UNC5C: variants seen among roughly 807,000 people sequenced by gnomAD.
The protein encoded by UNC5C is netrin receptor UNC5C.
UNC5C carries 47 observed loss-of-function variants against 99.8 expected under a neutral mutation model. That is an observed-to-expected ratio of 0.47 (90% CI 0.37 to 0.60). The LOEUF (loss-of-function observed/expected upper bound fraction) is 0.60. UNC5C is among the 20% of genes least tolerant of loss of function. The probability of loss-of-function intolerance (pLI) is 0.00; values close to 1 mark genes in which losing one functional copy is unlikely to be tolerated. For missense variants in UNC5C, 1,062 were observed against 1,165.9 expected (o/e 0.91, Z 1.30); for synonymous variants, 487 against 452.2 (o/e 1.08, Z -0.98).
At chr4:95,327,701 G>T (rs1742941757) in intron 2 of UNC5C, among the ~76,000 whole-genome samples, 1 of 152,046 alleles carries the variant, frequency 6.6e-6, no homozygotes, top group Non-Finnish European at 1.5e-5. Flanking sequence ...TATAACTTCT[G>T]ACTGCATGAC....
chr4:95,391,870 A>G (rs1005824195), intron 1 of UNC5C, among the ~76,000 whole-genome samples: 1 of 151,980 alleles, frequency 6.6e-6, no homozygotes, highest in South Asian at 2.1e-4. Flanking sequence ...TGAGACCATG[A>G]GTTTGAGACC....
At chr4:95,277,543 A>G (rs1374560240) in intron 4 of UNC5C, among the ~76,000 whole-genome samples, 1 of 152,234 alleles carries the variant, frequency 6.6e-6, no homozygotes, top group Non-Finnish European at 1.5e-5. Flanking sequence ...ATCTAAGATG[A>G]TGGTGAGTGC....
chr4:95,263,764 C>A (rs966048840), intron 4 of UNC5C, among the ~76,000 whole-genome samples: 5 of 152,132 alleles, frequency 3.3e-5, no homozygotes, highest in African/African-American at 1.2e-4. Context: ...TCATAAGGTT[C>A]TTGTGAGGTT....
chr4:95,171,917 T>G (rs1236452723), intron 14 of UNC5C, among the ~76,000 whole-genome samples: 7 of 151,898 alleles, frequency 4.6e-5, no homozygotes, highest in African/African-American at 1.5e-4. Context: ...CCTGACTTTT[T>G]AATGATTGCC....
chr4:95,411,244 G>A (rs1036952470), intron 1 of UNC5C, among the ~76,000 whole-genome samples: 6 of 152,018 alleles, frequency 3.9e-5, no homozygotes, highest in South Asian at 2.1e-4. Flanking sequence ...TGCCTGAAAC[G>A]TCTTTATTAG....
chr4:95,238,166 G>GT (rs1173430280), intron 7 of UNC5C, among the ~76,000 whole-genome samples: 3 of 151,980 alleles, frequency 2.0e-5, no homozygotes, highest in Admixed American at 1.3e-4. Context: ...ATAAAACTGA[G>GT]TTTTTTTCTA....
At chr4:95,507,607 T>A (rs2149486345) in intron 1 of UNC5C, among the ~76,000 whole-genome samples, 1 of 152,114 alleles carries the variant, frequency 6.6e-6, no homozygotes, top group East Asian at 1.9e-4. Flanking sequence ...TCCTGTCTCA[T>A]CCTTGTCCTG....
chr4:95,539,683 T>A (rs979216236), intron 1 of UNC5C, among the ~76,000 whole-genome samples: 8 of 152,138 alleles, frequency 5.3e-5, no homozygotes, highest in Admixed American at 2.6e-4. Context: ...TGTAAGCACA[T>A]ATATGCTCAC....
At position 95,166,650 on chromosome 4, in the gene UNC5C, G is replaced by C. The variant is rs1295838948; in HGVS notation, c.*2584C>G. On this transcript the variant is annotated 3_prime_UTR_variant, in exon 16 of 16. Transcript: ENST00000453304. ...AGTTGCTCCCCTCTAGTTTTCACTA[G>C]GCATAGAAGTTTCTTTGACCATTCA... 1.3e-5 allele frequency: 2 copies of C among 152,226 alleles called. No individual in the cohort carries two copies. The highest frequency in any genetic ancestry group is 1.5e-5 in the Non-Finnish European group (1 of 68,018). 9.4% of individuals were successfully genotyped at this position (152,226 alleles called of 1,614,324 possible).
intron 1 of UNC5C, among the ~76,000 whole-genome samples, chr4:95,407,571 A>G (rs1338663327): frequency 1.3e-5 from 2 of 152,200 alleles, no homozygotes; most frequent in Non-Finnish European, 2.9e-5. Context: ...TTTTTCTGGA[A>G]TTTTATGGAA....
At chr4:95,453,491 G>A (rs1260928757) in intron 1 of UNC5C, among the ~76,000 whole-genome samples, 1 of 151,138 alleles carries the variant, frequency 6.6e-6, no homozygotes, top group African/African-American at 2.4e-5. Flanking sequence ...AAAGAGAAAA[G>A]GAAGAAAAAA....
At chr4:95,287,014 T>C (rs1336961099) in intron 3 of UNC5C, among the ~76,000 whole-genome samples, 6 of 152,204 alleles carry the variant, frequency 3.9e-5, no homozygotes, top group Non-Finnish European at 8.8e-5. Flanking sequence ...ATGGTCCAGA[T>C]AGTTCAATGC....
intron 1 of UNC5C, among the ~76,000 whole-genome samples, chr4:95,424,391 G>A (rs1209254325): frequency 1.3e-5 from 2 of 151,748 alleles, no homozygotes; most frequent in African/African-American, 2.4e-5. Context: ...CACATATTTC[G>A]GGTACTGGCT....
intron 14 of UNC5C, among the ~76,000 whole-genome samples, chr4:95,178,446 T>A (rs192131306): frequency 9.1e-6 from 1 of 110,392 alleles, no homozygotes; most frequent in East Asian, 2.2e-4. Flanking sequence ...TTACTGCCTT[T>A]TATTTCTCAC....
intron 4 of UNC5C, among the ~76,000 whole-genome samples, chr4:95,277,906 A>C (rs1170298757): frequency 6.6e-6 from 1 of 152,164 alleles, no homozygotes; most frequent in Admixed American, 6.6e-5. Flanking sequence ...TTACACTCAC[A>C]TTTTTCGCAT....
At chr4:95,335,193 T>C (rs1368184582) in intron 2 of UNC5C, among the ~76,000 whole-genome samples, 1 of 151,990 alleles carries the variant, frequency 6.6e-6, no homozygotes, top group Non-Finnish European at 1.5e-5. Context: ...TTTAATTTCA[T>C]GTAGTCCAAC....
intron 3 of UNC5C, among the ~76,000 whole-genome samples, chr4:95,289,237 G>A (rs1741355638): frequency 6.6e-6 from 1 of 152,180 alleles, no homozygotes; most frequent in Non-Finnish European, 1.5e-5. Flanking sequence ...GCTGTCAAGT[G>A]TTCACAGAGT....
At chr4:95,340,999 T>G (rs1394974298) in intron 1 of UNC5C, among the ~76,000 whole-genome samples, 1 of 152,150 alleles carries the variant, frequency 6.6e-6, no homozygotes, top group African/African-American at 2.4e-5. Flanking sequence ...TAAAAAATAC[T>G]CAATGACTGA....
intron 4 of UNC5C, among the ~76,000 whole-genome samples, chr4:95,252,310 C>A (rs1739776454): frequency 6.6e-6 from 1 of 152,160 alleles, no homozygotes; most frequent in Admixed American, 6.5e-5. Flanking sequence ...CTAAAGAAAG[C>A]CTCCTATCAC....
Sources: allele counts gnomAD v4.1 joint callset (sites outside exome capture counted in the v4.1 genomes callset), GRCh38; gene constraint gnomAD v4.1.1; transcripts MANE v1.5; gene names NCBI Gene and HGNC (gene_info 2026-07-23, HGNC 2026-07-21).